EPOR: variants seen among roughly 807,000 people sequenced by gnomAD.
EPOR encodes the protein erythropoietin receptor.
EPOR carries 20 observed loss-of-function variants against 34.3 expected under a neutral mutation model. That is an observed-to-expected ratio of 0.58 (90% CI 0.41 to 0.85). EPOR has a LOEUF of 0.85. EPOR is among the 40% of genes least tolerant of loss of function. EPOR has a pLI of 0.00. For synonymous variants in EPOR, 312 were observed against 299.0 expected (o/e 1.04, Z -0.45); for missense variants, 601 against 672.7 (o/e 0.89, Z 1.18).
chr19:11,378,838 C>T lies in EPOR; in HGVS notation c.828-60G>A. 2.0e-6 allele frequency: 3 copies of T among 1,502,646 alleles called. No homozygotes were observed. The highest frequency in any genetic ancestry group is 2.3e-5 in the East Asian group (1 of 44,188). 93.1% of individuals were successfully genotyped at this position (1,502,646 alleles called of 1,614,324 possible). On this transcript the variant is annotated intron_variant, in intron 6 of 7. Transcript: ENST00000222139. This position sits in a 1 kb window ranked among gnomAD's most constrained non-coding sequence, Gnocchi z 5.3. ...GACTCATTGAATACTCACCAATTCC[C>T]CCTCCACTCCCAGTCATAGAGGCAC...
Position 11,383,262 on chromosome 19 carries a change from G to T in EPOR, c.116-30C>A. On this transcript the variant is annotated intron_variant, in intron 1 of 7. Coordinates refer to ENST00000222139, the MANE Select transcript of EPOR (RefSeq NM_000121.4). The surrounding 1 kb of genome is among the most constrained non-coding windows in gnomAD (Gnocchi z 4.9). Reference sequence around the variant, plus strand: ...GGAGGGGCGACAAAGGAAGGGCATGGGGGTCTGAGCTCTATCCTCGGGAGA... The same window carrying T: ...GGAGGGGCGACAAAGGAAGGGCATGTGGGTCTGAGCTCTATCCTCGGGAGA... 3 of 1,569,390 alleles carry T rather than the reference G, an allele frequency of 1.9e-6. No individual in the cohort carries two copies. The highest frequency in any genetic ancestry group is 2.6e-6 in the Non-Finnish European group (3 of 1,161,882).
rs770437909 is a variant in EPOR at position 11,381,284 on chromosome 19, G to T, written c.586-75C>A. 6.7e-7 allele frequency: 1 copy of T among 1,485,908 alleles called. No individual in the cohort carries two copies. Among genetic ancestry groups the T allele is most frequent in the South Asian group, 1.2e-5 (1 of 82,788 alleles). 92.0% of individuals were successfully genotyped at this position (1,485,908 alleles called of 1,614,324 possible). ...CGTGGGGGCGGGCCCTGGTGGAACT[G>T]AGCCAATCAGGGGAAAGGAAAACGG... On this transcript the variant is annotated intron_variant, in intron 4 of 7. Transcript: ENST00000222139. The surrounding 1 kb of genome is among the most constrained non-coding windows in gnomAD (Gnocchi z 5.3).
chr19:11,378,391 A>G lies in EPOR; in HGVS notation c.1120T>C (p.Trp374Arg). 2 of 1,613,612 alleles carry G rather than the reference A, an allele frequency of 1.2e-6. No homozygotes were observed. Among genetic ancestry groups the G allele is most frequent in the South Asian group, 1.1e-5 (1 of 91,082 alleles). Reference sequence around the variant, plus strand: ...CTGGGCGGGTTCCGGGGCAGCAACCATTTGTCCAGCACCAGATAGGTATCC... The same window carrying G: ...CTGGGCGGGTTCCGGGGCAGCAACCGTTTGTCCAGCACCAGATAGGTATCC... ...AQDTYLVLDK[W>R]LLPRNPPSED... Residue 374 changes from tryptophan (W) to arginine (R), a missense_variant, in exon 8 of 8, where the codon TGG becomes CGG. Physicochemically the swap from Trp to Arg is moderately radical, Grantham distance 101. Transcript: ENST00000222139. This position sits in a 1 kb window ranked among gnomAD's most constrained non-coding sequence, Gnocchi z 5.3.
chr19:11,378,344 A>C lies in EPOR; in HGVS notation c.1167T>G (p.Gly389=). 6.2e-7 allele frequency: 1 copy of C among 1,613,368 alleles called. No homozygotes were observed. The highest frequency in any genetic ancestry group is 8.5e-7 in the Non-Finnish European group (1 of 1,180,008). ...NPPSEDLPGP[G]GSVDIVAMDE... ...CCATGGCCACTATGTCCACACTGCC[A>C]CCAGGCCCTGGGAGGTCCTCACTGG... The change falls in exon 8 of 8, where the codon GGT becomes GGG. Residue 389 remains glycine (G), a synonymous_variant. Transcript: ENST00000222139. This position sits in a 1 kb window ranked among gnomAD's most constrained non-coding sequence, Gnocchi z 5.3.
At position 11,381,881 on chromosome 19, in the gene EPOR, G is replaced by T; in HGVS notation, c.428-32C>A. ...GCATGGGGGTTGGTCAGGTGGGCGA[G>T]GACTGAGACCCTCTCCTCCGACCAC... On this transcript the variant is annotated intron_variant, in intron 3 of 7. Transcript: ENST00000222139. This position sits in a 1 kb window ranked among gnomAD's most constrained non-coding sequence, Gnocchi z 5.3. The T allele has an allele frequency of 6.2e-7, 1 of 1,614,230 alleles. No homozygotes were observed. Among genetic ancestry groups the T allele is most frequent in the Non-Finnish European group, 8.5e-7 (1 of 1,180,020 alleles).
chr19:11,382,111 C>A lies in EPOR; in HGVS notation c.252-6G>T, dbSNP rs367619908. The A allele has an allele frequency of 9.3e-6, 15 of 1,612,010 alleles. No homozygotes were observed. The highest frequency in any genetic ancestry group is 8.5e-7 in the Non-Finnish European group (1 of 1,178,812). On this transcript the variant is annotated splice_region_variant and splice_polypyrimidine_tract_variant and intron_variant, in intron 2 of 7. Coordinates refer to ENST00000222139, the MANE Select transcript of EPOR (RefSeq NM_000121.4). Reference sequence around the variant, plus strand: ...ACAGCTTCCATGGCTCATCCCTATGCGCCCAGGGAAGGGAGCAGGTTGGGA... The same window carrying A: ...ACAGCTTCCATGGCTCATCCCTATGAGCCCAGGGAAGGGAGCAGGTTGGGA...
At chr19:11,382,919 C>T (rs534514832) in intron 2 of EPOR, 178 bp downstream of exon 2, 47 of 1,534,648 alleles carry the variant, frequency 3.1e-5, no homozygotes, top group Non-Finnish European at 3.7e-5. Context: ...CGGGAGTGTT[C>T]GCGCCCCGGC....
Position 11,377,811 on chromosome 19 carries a change from C to A in EPOR, c.*173G>T. 1.3e-6 allele frequency: 1 copy of A among 790,758 alleles called. No individual in the cohort carries two copies. The allele number at this position is 790,758 out of a possible 1,614,324, so 49.0% of individuals were successfully genotyped here. ...TATATAGATACAAAAAAAAACTATACATATTTAAAAATACTGCAAGGTTGT... is the reference window on the plus strand; with the variant it reads ...TATATAGATACAAAAAAAAACTATAAATATTTAAAAATACTGCAAGGTTGT... On this transcript the variant is annotated 3_prime_UTR_variant, in exon 8 of 8. Coordinates refer to ENST00000222139, the MANE Select transcript of EPOR (RefSeq NM_000121.4).
Position 11,377,254 on chromosome 19 carries a change from T to C in EPOR, c.*730A>G. On this transcript the variant is annotated 3_prime_UTR_variant, in exon 8 of 8. Coordinates refer to ENST00000222139, the MANE Select transcript of EPOR (RefSeq NM_000121.4). ...ATTATTAGTGGCAGAGACTAGCTAGTGGCCCTTAAACAGCTTTGCCCTTCC... is the reference window on the plus strand; with the variant it reads ...ATTATTAGTGGCAGAGACTAGCTAGCGGCCCTTAAACAGCTTTGCCCTTCC... The C allele has an allele frequency of 2.2e-6, 1 of 454,122 alleles. No individual in the cohort carries two copies. The highest frequency in any genetic ancestry group is 4.4e-6 in the Non-Finnish European group (1 of 226,786). 28.1% of individuals were successfully genotyped at this position (454,122 alleles called of 1,614,324 possible). A position where few individuals can be genotyped will look rare whatever the true frequency, so the allele number is the denominator to read the frequency against.
rs1968396834 is a variant in EPOR, at chr19:11,383,673, C to T, written c.115+420G>A. 1 of 250,624 alleles carries T rather than the reference C, an allele frequency of 4.0e-6. No individual in the cohort carries two copies. Among genetic ancestry groups the T allele is most frequent in the Non-Finnish European group, 7.8e-6 (1 of 127,932 alleles). The allele number at this position is 250,624 out of a possible 1,614,324, so 15.5% of individuals were successfully genotyped here. A position where few individuals can be genotyped will look rare whatever the true frequency, so the allele number is the denominator to read the frequency against. ...ACCGGGCCGGGCAAGTGATCTGGCGCCCTCACACAAACCGTGTTTACAGTA... is the reference window on the plus strand; with the variant it reads ...ACCGGGCCGGGCAAGTGATCTGGCGTCCTCACACAAACCGTGTTTACAGTA... On this transcript the variant is annotated intron_variant, in intron 1 of 7. Transcript: ENST00000222139. The surrounding 1 kb of genome is among the most constrained non-coding windows in gnomAD (Gnocchi z 4.9).
chr19:11,381,859 TG>T lies in EPOR; in HGVS notation c.428-11del. 2.5e-6 allele frequency: 4 copies of T among 1,614,112 alleles called. No homozygotes were observed. The African/African-American group carries it at 5.3e-5, about 22-fold the overall frequency. On this transcript the variant is annotated splice_polypyrimidine_tract_variant and intron_variant, in intron 3 of 7. Transcript: ENST00000222139. This position sits in a 1 kb window ranked among gnomAD's most constrained non-coding sequence, Gnocchi z 5.3. Reference sequence around the variant, plus strand: ...GGGGCGTCTAGGAGCACTGCAGGCATGGGGGTTGGTCAGGTGGGCGAGGACT... The same window carrying T: ...GGGGCGTCTAGGAGCACTGCAGGCATGGGGTTGGTCAGGTGGGCGAGGACT...
At chr19:11,380,457 T>C (rs1313593926) in intron 6 of EPOR, among the ~76,000 whole-genome samples, 1 of 152,206 alleles carries the variant, frequency 6.6e-6, no homozygotes, top group Non-Finnish European at 1.5e-5. Flanking sequence ...GGGCAAAAGC[T>C]TGGGGGTGTG....
chr19:11,377,767 A>G lies in EPOR; in HGVS notation c.*217T>C, dbSNP rs1410824790. ...TAGAAATCATGGTAGAAAAACTTAC[A>G]TACATATGTGTATATATATATATAG... On this transcript the variant is annotated 3_prime_UTR_variant, in exon 8 of 8. Transcript: ENST00000222139. 3 of 696,760 alleles carry G rather than the reference A, an allele frequency of 4.3e-6. No homozygotes were observed. The highest frequency in any genetic ancestry group is 1.4e-5 in the South Asian group (1 of 69,480). The allele number at this position is 696,760 out of a possible 1,614,324, so 43.2% of individuals were successfully genotyped here.
intron 2 of EPOR, among the ~76,000 whole-genome samples, chr19:11,382,396 T>C (rs1179844093): frequency 3.6e-5 from 5 of 137,046 alleles, no homozygotes; most frequent in African/African-American, 1.4e-4. Flanking sequence ...GGAGTTTCGC[T>C]CTTGTTGCCC....
chr19:11,383,649 C>T lies in EPOR; in HGVS notation c.116-417G>A. On this transcript the variant is annotated intron_variant, in intron 1 of 7. Transcript: ENST00000222139. This position sits in a 1 kb window ranked among gnomAD's most constrained non-coding sequence, Gnocchi z 4.9. Reference sequence around the variant, plus strand: ...CGTGCCCCCCGCCTCCCTCCCTCCACCGGGCCGGGCAAGTGATCTGGCGCC... The same window carrying T: ...CGTGCCCCCCGCCTCCCTCCCTCCATCGGGCCGGGCAAGTGATCTGGCGCC... 1 of 242,730 alleles carries T rather than the reference C, an allele frequency of 4.1e-6. No individual in the cohort carries two copies. Among genetic ancestry groups the T allele is most frequent in the South Asian group, 5.4e-5 (1 of 18,412 alleles). 15.0% of individuals were successfully genotyped at this position (242,730 alleles called of 1,614,324 possible).
Position 11,378,256 on chromosome 19 carries a change from C to T in EPOR, c.1255G>A (p.Ala419Thr), listed in dbSNP as rs758104665. The T allele has an allele frequency of 1.9e-6, 3 of 1,614,140 alleles. No homozygotes were observed. The highest frequency in any genetic ancestry group is 2.5e-6 in the Non-Finnish European group (3 of 1,180,032). Residue 419 changes from alanine to threonine, a missense_variant, in exon 8 of 8, where the codon GCC (alanine) becomes ACC (threonine). Coordinates refer to ENST00000222139, the MANE Select transcript of EPOR (RefSeq NM_000121.4). The surrounding 1 kb of genome is among the most constrained non-coding windows in gnomAD (Gnocchi z 5.3). ...GTGTACTCAAAGCTGGCAGCAGAGG[C>T]TCCCTCTGGGCTGGGCTTCGAGGCC... is the stretch of plus-strand genomic sequence containing the variant. The part of the protein sequence containing the change: ...ALASKPSPEG[A>T]SAASFEYTIL...
At chr19:11,380,792 G>A in intron 6 of EPOR, 92 bp downstream of exon 6, 1 of 1,059,042 alleles carries the variant, frequency 9.4e-7, no homozygotes, top group Non-Finnish European at 1.4e-6. Flanking sequence ...CCTTGGGCAA[G>A]TGCGTGTCTC....
rs1246205244 is a variant in EPOR at position 11,377,709 on chromosome 19, G to T, written c.*275C>A. The T allele has an allele frequency of 1.6e-6, 1 of 610,148 alleles. No individual in the cohort carries two copies. Among genetic ancestry groups the T allele is most frequent in the Non-Finnish European group, 3.0e-6 (1 of 330,350 alleles). 37.8% of individuals were successfully genotyped at this position (610,148 alleles called of 1,614,324 possible). ...TTTAACTTCTATCCCTATGGCCTAT[G>T]CCCAGGGGAAGATGGGACTTAAAGG... On this transcript the variant is annotated 3_prime_UTR_variant, in exon 8 of 8. Coordinates refer to ENST00000222139, the MANE Select transcript of EPOR (RefSeq NM_000121.4).
chr19:11,381,930 C>T lies in EPOR; in HGVS notation c.427G>A (p.Val143Met), dbSNP rs771666923. 39 of 1,614,244 alleles carry T rather than the reference C, an allele frequency of 2.4e-5. No individual in the cohort carries two copies. The highest frequency in any genetic ancestry group is 3.1e-5 in the Non-Finnish European group (37 of 1,180,034). The change falls in exon 3 of 8, where the codon GTG becomes ATG. Residue 143 changes from valine to methionine, a missense_variant and splice_region_variant. Val to Met is a conservative substitution (Grantham distance 21, BLOSUM62 1). Transcript: ENST00000222139. The surrounding 1 kb of genome is among the most constrained non-coding windows in gnomAD (Gnocchi z 5.3). ...YHRVIHINEV[V>M]LLDAPVGLVA... ...ACTCCTCCATTCCCAGAGCACTTAC[C>T]TACTTCATTGATGTGGATGACACGG...
Sources: gnomAD v4.1 joint callset for allele counts (sites outside exome capture counted in the v4.1 genomes callset) on GRCh38, gnomAD v4.1.1 for gene constraint, Gnocchi (gnomAD v3.1) non-coding constraint, MANE v1.5 for transcripts, NCBI Gene and HGNC (gene_info 2026-07-23, HGNC 2026-07-21) for gene names.